ARID5B: variants seen among roughly 807,000 people sequenced by gnomAD.
The protein encoded by ARID5B is AT-rich interaction domain 5B.
Under a neutral mutation model 97.2 loss-of-function variants are expected in ARID5B, and 13 were observed. The ratio of observed to expected loss-of-function variants is 0.13; its 90% CI spans 0.09 to 0.21. The LOEUF is 0.21. Among genes scored for constraint, ARID5B ranks in the 10% least tolerant of loss-of-function variants. The pLI is 1.00. For missense variants in ARID5B, 1,210 were observed against 1,465.3 expected (o/e 0.83, Z 2.84); for synonymous variants, 556 against 570.3 (o/e 0.97, Z 0.36).
At chr10:61,954,195 T>C (rs1270547776) in intron 3 of ARID5B, among the ~76,000 whole-genome samples, 1 of 151,682 alleles carries the variant, frequency 6.6e-6, no homozygotes, top group Admixed American at 6.6e-5. Flanking sequence ...CCGTATCCAC[T>C]AAAAATACAA....
At chr10:62,039,288 T>C (rs1373685628) in intron 4 of ARID5B, among the ~76,000 whole-genome samples, 1 of 152,242 alleles carries the variant, frequency 6.6e-6, no homozygotes, top group African/African-American at 2.4e-5. Context: ...AATATAAGTA[T>C]GATACAGTAG....
At chr10:62,060,387 T>A (rs1253209581) in intron 7 of ARID5B, among the ~76,000 whole-genome samples, 2 of 152,226 alleles carry the variant, frequency 1.3e-5, no homozygotes, top group Non-Finnish European at 2.9e-5. Flanking sequence ...TTCATATGAA[T>A]AATATGTGCT....
intron 4 of ARID5B, among the ~76,000 whole-genome samples, chr10:62,036,484 T>C (rs1402628243): frequency 6.6e-6 from 1 of 152,140 alleles, no homozygotes; most frequent in Non-Finnish European, 1.5e-5. Context: ...TACCTCACAT[T>C]TGGGTCTGAG....
At chr10:61,955,022 A>C (rs1159715152) in intron 3 of ARID5B, among the ~76,000 whole-genome samples, 2 of 151,230 alleles carry the variant, frequency 1.3e-5, no homozygotes, top group Non-Finnish European at 1.5e-5. Flanking sequence ...AAAAAAAAGC[A>C]ATCTATGATG....
intron 2 of ARID5B, among the ~76,000 whole-genome samples, chr10:61,919,631 C>T (rs1843976738): frequency 1.3e-5 from 2 of 152,142 alleles, no homozygotes; most frequent in East Asian, 3.8e-4. Context: ...CCAAATGATT[C>T]CAAAATATAT....
chr10:62,014,837 C>T lies in ARID5B; in HGVS notation c.733+14516C>T, dbSNP rs565136530. The stretch of plus-strand genomic sequence containing the variant: ...GAACAATGTCATTAGCAAAAATTGA[C>T]ATGTCAGGCAAATACAGAACATTCT... On this transcript the variant is annotated intron_variant, in intron 4 of 9. Coordinates refer to ENST00000279873, the MANE Select transcript of ARID5B (RefSeq NM_032199.3). Among the ~76,000 whole-genome samples, 15 of 152,232 alleles carry T rather than the reference C, an allele frequency of 9.9e-5. 1 individual carries two copies. In the South Asian group the frequency reaches 3.1e-3, roughly 32 times the overall value.
At chr10:62,016,022 G>T (rs7098041) in intron 4 of ARID5B, among the ~76,000 whole-genome samples, 1 of 152,250 alleles carries the variant, frequency 6.6e-6, no homozygotes, top group African/African-American at 2.4e-5. Flanking sequence ...TCAGAGGATG[G>T]TGGAGTTTGT....
intron 3 of ARID5B, among the ~76,000 whole-genome samples, chr10:61,965,412 A>T (rs896872133): frequency 6.6e-6 from 1 of 152,204 alleles, no homozygotes; most frequent in Non-Finnish European, 1.5e-5. Context: ...TAAACATCCC[A>T]TTCATGAACC....
At chr10:61,951,377 T>C (rs1382499374) in intron 3 of ARID5B, among the ~76,000 whole-genome samples, 1 of 152,232 alleles carries the variant, frequency 6.6e-6, no homozygotes, top group South Asian at 2.1e-4. Flanking sequence ...CCCCAGAGCC[T>C]GTGCCTTGCC....
At chr10:61,996,899 T>TAC (rs1839007020) in intron 3 of ARID5B, among the ~76,000 whole-genome samples, 1 of 150,212 alleles carries the variant, frequency 6.7e-6, no homozygotes, top group African/African-American at 2.4e-5. Context: ...AAAAAAAATA[T>TAC]ATATATATAT....
intron 2 of ARID5B, among the ~76,000 whole-genome samples, chr10:61,930,822 T>G (rs1844197121): frequency 6.6e-6 from 1 of 152,170 alleles, no homozygotes; most frequent in African/African-American, 2.4e-5. Context: ...GTATCATCTA[T>G]CCCTCTTCAC....
rs1838937783 is a variant in ARID5B, at chr10:61,992,329, G to A, written c.503-7762G>A. On this transcript the variant is annotated intron_variant, in intron 3 of 9. Transcript: ENST00000279873. ...GACCCTTTGGGACAACCTTGGAGGT[G>A]GAGTTGGCTTTCTTCCCACTGCGTT... Among the ~76,000 whole-genome samples, 3 of 152,188 alleles carry A rather than the reference G, an allele frequency of 2.0e-5. No individual in the cohort carries two copies. The South Asian group carries it at 6.2e-4, about 32-fold the overall frequency.
chr10:61,940,161 C>A (rs758161517), intron 2 of ARID5B, 22 bp from the exon 3 acceptor site: 7 of 1,610,932 alleles, frequency 4.3e-6, no homozygotes, highest in East Asian at 2.2e-5. Context: ...GTTTTTTGTT[C>A]TTCCCCAACC....
chr10:61,979,544 G>C (rs1233129485), intron 3 of ARID5B, among the ~76,000 whole-genome samples: 1 of 152,112 alleles, frequency 6.6e-6, no homozygotes, highest in Non-Finnish European at 1.5e-5. Flanking sequence ...CCCAATTGGA[G>C]GTCTTTTCTC....
Position 62,096,378 on chromosome 10 carries a change from G to A in ARID5B, c.*3348G>A, listed in dbSNP as rs564047634. On this transcript the variant is annotated 3_prime_UTR_variant, in exon 10 of 10. Transcript: ENST00000279873. ...ATCGTCCCACAAAGTCACATTTGGT[G>A]GTGGTCAGCCAAGTCGCATCTGGTC... is the stretch of plus-strand genomic sequence containing the variant. The A allele has an allele frequency of 3.6e-4, 84 of 233,588 alleles. No individual in the cohort carries two copies. The highest frequency in any genetic ancestry group is 1.7e-3 in the African/African-American group (77 of 45,420). The allele number at this position is 233,588 out of a possible 1,614,324, so 14.5% of individuals were successfully genotyped here. A position where few individuals can be genotyped will look rare whatever the true frequency, so the allele number is the denominator to read the frequency against.
At chr10:61,903,636 A>G (rs74868128) in intron 2 of ARID5B, among the ~76,000 whole-genome samples, 12,501 of 152,246 alleles carry the variant, frequency 0.082, 591 homozygotes, top group East Asian at 0.13. Context: ...AGGTAGGTGT[A>G]AGGATCTAAG....
chr10:62,062,022 G>T (rs1564640235), intron 7 of ARID5B, among the ~76,000 whole-genome samples: 2 of 151,996 alleles, frequency 1.3e-5, no homozygotes, highest in South Asian at 4.1e-4. Context: ...GATTGGCCCT[G>T]CAGATACTTC....
chr10:62,009,283 C>T (rs1839186665), intron 4 of ARID5B, among the ~76,000 whole-genome samples: 1 of 152,150 alleles, frequency 6.6e-6, no homozygotes, highest in African/African-American at 2.4e-5. Context: ...CTAAGGAACA[C>T]ACTGTGTTCA....
At chr10:62,055,754 C>A (rs987795285) in intron 5 of ARID5B, among the ~76,000 whole-genome samples, 1 of 152,104 alleles carries the variant, frequency 6.6e-6, no homozygotes, top group Non-Finnish European at 1.5e-5. Flanking sequence ...CAGGACCAGT[C>A]GAAAGATATT....
Sources: gnomAD v4.1 joint callset for allele counts (sites outside exome capture counted in the v4.1 genomes callset) on GRCh38, gnomAD v4.1.1 for gene constraint, MANE v1.5 for transcripts, NCBI Gene and HGNC (gene_info 2026-07-23, HGNC 2026-07-21) for gene names.